LNX1: variants seen among roughly 807,000 people sequenced by gnomAD.
The protein encoded by LNX1 is E3 ubiquitin-protein ligase LNX.
LNX1 carries 54 observed loss-of-function variants against 68.4 expected under a neutral mutation model. The observed-to-expected ratio is 0.79, with a 90% confidence interval of 0.63 to 0.99. LNX1 has a LOEUF of 0.99. LNX1 is among the 50% of genes least tolerant of loss of function. The probability of loss-of-function intolerance (pLI) is 0.00; values close to 1 mark genes in which losing one functional copy is unlikely to be tolerated. For missense variants in LNX1, 906 were observed against 926.4 expected, an observed-to-expected ratio of 0.98 and a Z score of 0.29; for synonymous variants, 336 against 350.0, an observed-to-expected ratio of 0.96 and a Z score of 0.45.
chr4:53,553,430 T>C (rs1343793753), intron 2 of LNX1, among the ~76,000 whole-genome samples: 1 of 152,162 alleles, frequency 6.6e-6, no homozygotes, highest in African/African-American at 2.4e-5. Flanking sequence ...CCTCCAAATC[T>C]GCATTTTGAA....
At chr4:53,521,539 C>G (rs542726767) in intron 2 of LNX1, among the ~76,000 whole-genome samples, 1 of 152,166 alleles carries the variant, frequency 6.6e-6, no homozygotes, top group Non-Finnish European at 1.5e-5. Flanking sequence ...TAGCTGGTTC[C>G]TCATACCAAA....
intron 2 of LNX1, among the ~76,000 whole-genome samples, chr4:53,598,272 G>A (rs1361176980): frequency 6.9e-6 from 1 of 145,766 alleles, no homozygotes; most frequent in African/African-American, 2.5e-5. Flanking sequence ...TTGCTTTGTT[G>A]CCCAGGCTGG....
At chr4:53,566,150 G>C (rs1468461567) in intron 2 of LNX1, among the ~76,000 whole-genome samples, 15 of 152,046 alleles carry the variant, frequency 9.9e-5, no homozygotes, top group Middle Eastern at 3.4e-3. Flanking sequence ...ACAGAGAACG[G>C]CACAAAGATA....
Position 53,459,536 on chromosome 4 carries a change from A to C in LNX1, c.*1371T>G. ...TTTCTGGATAATGTTTAAGAAATTT[A>C]CCTTAAATCTTGTTCTGTTTGTTAG... On this transcript the variant is annotated 3_prime_UTR_variant, in exon 11 of 11. Transcript: ENST00000263925. 1.3e-5 allele frequency: 20 copies of C among 1,563,088 alleles called. No homozygotes were observed. The highest frequency in any genetic ancestry group is 1.8e-5 in the Non-Finnish European group (20 of 1,139,146).
intron 2 of LNX1, among the ~76,000 whole-genome samples, chr4:53,547,791 A>C (rs1009851826): frequency 6.6e-6 from 1 of 152,124 alleles, no homozygotes; most frequent in Non-Finnish European, 1.5e-5. Context: ...GAATAAGAAG[A>C]AGGAGTCAGA....
At chr4:53,531,509 A>G (rs1338879687) in intron 2 of LNX1, among the ~76,000 whole-genome samples, 1 of 152,228 alleles carries the variant, frequency 6.6e-6, no homozygotes, top group Non-Finnish European at 1.5e-5. Flanking sequence ...ACACGGAAAT[A>G]GACAGTAGTT....
At chr4:53,550,877 C>T (rs551644731) in intron 2 of LNX1, among the ~76,000 whole-genome samples, 3 of 152,202 alleles carry the variant, frequency 2.0e-5, no homozygotes, top group African/African-American at 7.2e-5. Flanking sequence ...CAGACCAGGG[C>T]GTAATGGATA....
chr4:53,638,819 T>C (rs1213352890), intron 1 of LNX1, among the ~76,000 whole-genome samples: 1 of 152,080 alleles, frequency 6.6e-6, no homozygotes, highest in African/African-American at 2.4e-5. Context: ...TGGCTATTAC[T>C]AAAAAGCCAA....
At chr4:53,640,337 G>C (rs1482071973) in intron 1 of LNX1, among the ~76,000 whole-genome samples, 1 of 152,200 alleles carries the variant, frequency 6.6e-6, no homozygotes, top group Non-Finnish European at 1.5e-5. Flanking sequence ...CTTTGGGAGA[G>C]CATCCTTAGC....
At position 53,573,745 on chromosome 4, in the gene LNX1, G is replaced by T. The variant is rs1295364517; in HGVS notation, c.258C>A (p.His86Gln). The T allele has an allele frequency of 6.2e-7, 1 of 1,611,834 alleles. No homozygotes were observed. Among genetic ancestry groups the T allele is most frequent in the Admixed American group, 1.7e-5 (1 of 59,674 alleles). The part of the protein sequence containing the change: ...PMDRKPLVLQ[H>Q]CKKSSILVNK... The stretch of plus-strand genomic sequence containing the variant: ...TGACCAGGATGCTGGACTTCTTGCA[G>T]TGCTGCAGAACCAGAGGCTTGCGGT... The change falls in exon 2 of 11, where the codon CAC becomes CAA. Residue 86 changes from histidine to glutamine, a missense_variant. His to Gln is a conservative substitution (Grantham distance 24, BLOSUM62 0). Coordinates refer to ENST00000263925, the MANE Select transcript of LNX1 (RefSeq NM_001126328.3).
rs1417642331 is a variant in LNX1, at chr4:53,574,072, A to G, written c.-70T>C. 2.0e-6 allele frequency: 3 copies of G among 1,531,904 alleles called. 1 individual carries two copies. The highest frequency in any genetic ancestry group is 2.7e-5 in the South Asian group (2 of 75,246). 94.9% of individuals were successfully genotyped at this position (1,531,904 alleles called of 1,614,324 possible). A position where few individuals can be genotyped will look rare whatever the true frequency, so the allele number is the denominator to read the frequency against. On this transcript the variant is annotated 5_prime_UTR_variant, in exon 2 of 11. Coordinates refer to ENST00000263925, the MANE Select transcript of LNX1 (RefSeq NM_001126328.3). ...TTTCCTCAGGAGCAAGTCAAGATCT[A>G]GGAGACATCCACACACCTAAAAAAG...
chr4:53,587,482 G>T (rs1430916270), intron 1 of LNX1, among the ~76,000 whole-genome samples: 1 of 152,190 alleles, frequency 6.6e-6, no homozygotes, highest in Admixed American at 6.5e-5. Context: ...ATAAAAGAGA[G>T]TCTATGTAAT....
intron 1 of LNX1, among the ~76,000 whole-genome samples, chr4:53,625,305 A>G (rs1734030881): frequency 6.6e-6 from 1 of 152,224 alleles, no homozygotes; most frequent in African/African-American, 2.4e-5. Context: ...GTGAGAACAT[A>G]TTTGCAAATC....
At chr4:53,593,964 G>A (rs75631830), upstream of LNX1, 1 of 151,982 alleles carries the variant, frequency 6.6e-6, no homozygotes, top group South Asian at 2.1e-4. Context: ...AAGAGGGAAG[G>A]TTCTGATTTC....
At chr4:53,584,455 A>G (rs1387966028) in intron 1 of LNX1, among the ~76,000 whole-genome samples, 1 of 152,216 alleles carries the variant, frequency 6.6e-6, no homozygotes, top group Non-Finnish European at 1.5e-5. Context: ...GCCCCAAGAC[A>G]GGAGCCATGG....
intron 1 of LNX1, among the ~76,000 whole-genome samples, chr4:53,637,418 C>G (rs1025143977): frequency 6.6e-6 from 1 of 151,674 alleles, no homozygotes; most frequent in Non-Finnish European, 1.5e-5. Context: ...TTAGTAATGT[C>G]AAAAGTAAAA....
chr4:53,480,775 A>G (rs1723859609), intron 7 of LNX1, among the ~76,000 whole-genome samples: 1 of 152,224 alleles, frequency 6.6e-6, no homozygotes, highest in African/African-American at 2.4e-5. Context: ...TTGTTTCTCT[A>G]TATATTACTC....
chr4:53,533,235 C>T (rs1475335948), intron 2 of LNX1, among the ~76,000 whole-genome samples: 1 of 152,182 alleles, frequency 6.6e-6, no homozygotes, highest in Non-Finnish European at 1.5e-5. Flanking sequence ...CGGAGACTTG[C>T]AAATGAAGAG....
chr4:53,648,402 ATCT>A (rs1445090787), intron 1 of LNX1, among the ~76,000 whole-genome samples: 2 of 152,148 alleles, frequency 1.3e-5, no homozygotes, highest in Non-Finnish European at 1.5e-5. Context: ...CCATTTATAT[ATCT>A]TCTTTGGAGA....
Sources: allele counts gnomAD v4.1 joint callset (sites outside exome capture counted in the v4.1 genomes callset), GRCh38; gene constraint gnomAD v4.1.1; transcripts MANE v1.5; gene names NCBI Gene and HGNC (gene_info 2026-07-23, HGNC 2026-07-21).